The following KALRN variants were observed in gnomAD, a reference collection of about 807,000 sequenced individuals.
The protein encoded by KALRN is kalirin RhoGEF kinase.
Under a neutral mutation model 353.7 loss-of-function variants are expected in KALRN, and 70 were observed. The observed-to-expected ratio is 0.20, with a 90% CI of 0.16 to 0.24. The LOEUF is 0.24. KALRN is among the 10% of genes least tolerant of loss of function. The pLI is 1.00. For missense variants in KALRN, 2,791 were observed against 3,756.7 expected (o/e 0.74, Z 6.72); for synonymous variants, 1,391 against 1,434.8 (o/e 0.97, Z 0.69).
At chr3:124,254,954 T>TA (rs33946845) in intron 3 of KALRN, among the ~76,000 whole-genome samples, 2,800 of 73,322 alleles carry the variant, frequency 0.038, 45 homozygotes, top group African/African-American at 0.05. Flanking sequence ...ATATATATAT[T>TA]TTTTTTTTGA....
chr3:124,355,116 G>A (rs993401652), intron 10 of KALRN, among the ~76,000 whole-genome samples: 12 of 152,176 alleles, frequency 7.9e-5, no homozygotes, highest in Non-Finnish European at 1.5e-4. Context: ...AGAGCAAAGG[G>A]TTCTATGTGG....
intron 10 of KALRN, among the ~76,000 whole-genome samples, chr3:124,358,513 G>A (rs185543579): frequency 6.6e-6 from 1 of 152,286 alleles, no homozygotes; most frequent in African/African-American, 2.4e-5. Flanking sequence ...TTTGTATTCA[G>A]CATACTGATT....
chr3:124,640,791 C>A (rs1202286235), intron 37 of KALRN, among the ~76,000 whole-genome samples: 2 of 152,126 alleles, frequency 1.3e-5, no homozygotes, highest in Non-Finnish European at 2.9e-5. Context: ...AATGAGGTTG[C>A]AAAGAGCAAC....
intron 33 of KALRN, among the ~76,000 whole-genome samples, chr3:124,517,239 A>G (rs943357563): frequency 6.6e-5 from 10 of 152,086 alleles, no homozygotes; most frequent in Non-Finnish European, 4.4e-5. Context: ...TCAGAATCTC[A>G]TCTCCTCTCT....
chr3:124,347,286 G>T (rs200283541), intron 10 of KALRN, 21 bp downstream of exon 10: 1 of 1,464,722 alleles, frequency 6.8e-7, no homozygotes, highest in African/African-American at 1.5e-5. Flanking sequence ...GTGTGTGTGT[G>T]TGTGTGTGTG....
intron 57 of KALRN, among the ~76,000 whole-genome samples, chr3:124,704,848 C>A (rs952996109): frequency 3.3e-5 from 5 of 152,216 alleles, no homozygotes; most frequent in African/African-American, 1.2e-4. Flanking sequence ...CCCCACCAGG[C>A]CCAAATAATA....
intron 25 of KALRN, among the ~76,000 whole-genome samples, chr3:124,473,886 A>C (rs1404350726): frequency 6.6e-6 from 1 of 152,168 alleles, no homozygotes; most frequent in Non-Finnish European, 1.5e-5. Context: ...CCTCATAATC[A>C]CTTTTTATTT....
At chr3:124,270,210 T>A (rs183349376) in intron 5 of KALRN, among the ~76,000 whole-genome samples, 2 of 152,272 alleles carry the variant, frequency 1.3e-5, no homozygotes, top group African/African-American at 2.4e-5. Flanking sequence ...AAATGGCCAA[T>A]ACTGTTCTTA....
chr3:124,447,024 C>A, intron 21 of KALRN, 139 bp downstream of exon 21: 1 of 976,066 alleles, frequency 1.0e-6, no homozygotes, highest in Non-Finnish European at 1.5e-6. Flanking sequence ...TGTAAATGTC[C>A]TAAAGGATTG....
chr3:124,443,292 A>G (rs1248973733), intron 19 of KALRN, among the ~76,000 whole-genome samples: 1 of 152,254 alleles, frequency 6.6e-6, no homozygotes, highest in Non-Finnish European at 1.5e-5. Flanking sequence ...AGGCAGAGAA[A>G]TATAACTCTG....
chr3:124,332,020 G>C (rs1479529171), intron 8 of KALRN, among the ~76,000 whole-genome samples: 1 of 152,070 alleles, frequency 6.6e-6, no homozygotes, highest in Non-Finnish European at 1.5e-5. Flanking sequence ...GCTCTCCTGG[G>C]TTTCACTATA....
intron 33 of KALRN, among the ~76,000 whole-genome samples, chr3:124,527,583 G>A (rs1393611818): frequency 1.3e-5 from 2 of 151,464 alleles, no homozygotes; most frequent in Non-Finnish European, 2.9e-5. Flanking sequence ...CAGCCTGGGC[G>A]ACAGAGCAAG....
chr3:124,628,154 TCCC>T (rs2080193822), intron 34 of KALRN, among the ~76,000 whole-genome samples: 1 of 15,944 alleles, frequency 6.3e-5, no homozygotes, highest in African/African-American at 3.8e-4. Context: ...CCTCCCTCCC[TCCC>T]TCCCTTCCTT....
chr3:124,235,253 A>G (rs1435223574), intron 3 of KALRN, among the ~76,000 whole-genome samples: 1 of 152,194 alleles, frequency 6.6e-6, no homozygotes, highest in Non-Finnish European at 1.5e-5. Flanking sequence ...TTGCCCCCAA[A>G]GAGAGTGAAA....
At chr3:124,037,064 G>C (rs2039493244) in intron 1 of KALRN, among the ~76,000 whole-genome samples, 1 of 152,216 alleles carries the variant, frequency 6.6e-6, no homozygotes, top group Non-Finnish European at 1.5e-5. Flanking sequence ...TGAGGCAGAG[G>C]AGGGGAGTTA....
intron 51 of KALRN, among the ~76,000 whole-genome samples, chr3:124,683,773 G>A (rs1279997212): frequency 1.3e-5 from 2 of 152,160 alleles, no homozygotes; most frequent in African/African-American, 4.8e-5. Flanking sequence ...AGCTTGGGGA[G>A]TTAAAAACAG....
chr3:124,544,620 A>G (rs2069423758), intron 33 of KALRN, among the ~76,000 whole-genome samples: 5 of 150,066 alleles, frequency 3.3e-5, no homozygotes, highest in African/African-American at 9.7e-5. Flanking sequence ...ATATCTATGT[A>G]TATCTATATA....
chr3:124,464,025 G>C (rs775854788), intron 25 of KALRN, among the ~76,000 whole-genome samples: 4 of 152,084 alleles, frequency 2.6e-5, no homozygotes, highest in Non-Finnish European at 5.9e-5. Context: ...TCCAGATGTA[G>C]AAATATCATG....
intron 1 of KALRN, among the ~76,000 whole-genome samples, chr3:124,139,857 G>A (rs1444080669): frequency 6.6e-6 from 1 of 152,230 alleles, no homozygotes; most frequent in East Asian, 1.9e-4. Flanking sequence ...AGGGCTTCCT[G>A]GTTTCAGACC....
Sources: allele counts gnomAD v4.1 joint callset (sites outside exome capture counted in the v4.1 genomes callset), GRCh38; gene constraint gnomAD v4.1.1; transcripts MANE v1.5; gene names NCBI Gene and HGNC (gene_info 2026-07-23, HGNC 2026-07-21).